The following IL1RAPL1 variants were observed in gnomAD, a reference collection of about 807,000 sequenced individuals.
IL1RAPL1 encodes interleukin-1 receptor accessory protein-like 1.
Under a neutral mutation model 48.4 loss-of-function variants are expected in IL1RAPL1, and 3 were observed. The ratio of observed to expected loss-of-function variants is 0.06; its 90% CI spans 0.03 to 0.16. The LOEUF (loss-of-function observed/expected upper bound fraction) is 0.16. Ranked by LOEUF, IL1RAPL1 falls within the 10% of genes least tolerant of loss-of-function variation. The pLI is 1.00. For synonymous variants in IL1RAPL1, 185 were observed against 187.7 expected, an observed-to-expected ratio of 0.99 and a Z score of 0.12; for missense variants, 349 against 530.6, an observed-to-expected ratio of 0.66 and a Z score of 3.36.
At chrX:29,739,131 G>A (rs1240882632) in intron 6 of IL1RAPL1, among the ~76,000 whole-genome samples, 3 of 112,136 alleles carry the variant, frequency 2.7e-5, no homozygotes, top group Non-Finnish European at 5.6e-5. Context: ...GTTAATTGAT[G>A]TGCTGAAAGG....
intron 1 of IL1RAPL1, among the ~76,000 whole-genome samples, chrX:28,708,574 T>C (rs1935401927): frequency 8.9e-6 from 1 of 111,746 alleles, no homozygotes; most frequent in African/African-American, 3.3e-5. Flanking sequence ...AACAAATGAA[T>C]GGATAAAGAA....
chrX:29,678,930 A>G (rs1926369456), intron 6 of IL1RAPL1, among the ~76,000 whole-genome samples: 1 of 110,774 alleles, frequency 9.0e-6, no homozygotes, highest in African/African-American at 3.3e-5. Flanking sequence ...AGAGTGAATA[A>G]TTTTCTCTCC....
intron 2 of IL1RAPL1, among the ~76,000 whole-genome samples, chrX:29,253,460 G>C (rs936340013): frequency 9.0e-6 from 1 of 111,392 alleles, no homozygotes; most frequent in Non-Finnish European, 1.9e-5. Flanking sequence ...ATGGAAAACT[G>C]TTAAGAGACC....
intron 1 of IL1RAPL1, among the ~76,000 whole-genome samples, chrX:28,711,349 C>T (rs1935437736): frequency 9.0e-6 from 1 of 111,708 alleles, no homozygotes; most frequent in African/African-American, 3.3e-5. Context: ...AATTGTGGTT[C>T]TGCAGGTGGC....
intron 2 of IL1RAPL1, among the ~76,000 whole-genome samples, chrX:29,148,095 A>G (rs1387869843): frequency 8.9e-6 from 1 of 112,092 alleles, no homozygotes; most frequent in Non-Finnish European, 1.9e-5. Context: ...TGCATGCATT[A>G]TATATGCATA....
chrX:29,066,877 C>T (rs1014677394), intron 2 of IL1RAPL1, among the ~76,000 whole-genome samples: 6 of 111,415 alleles, frequency 5.4e-5, no homozygotes, highest in African/African-American at 9.8e-5. Flanking sequence ...GGGAGAGAGT[C>T]GTCTTTGTCT....
rs754688938 is a variant in IL1RAPL1 at position 29,324,803 on chromosome X, A to C, written c.362+41586A>C. 6.3e-5 allele frequency among the ~76,000 whole-genome samples: 7 copies of C among 111,304 alleles called. No individual in the cohort carries two copies. The East Asian group carries it at 2.0e-3, about 31-fold the overall frequency. On this transcript the variant is annotated intron_variant, in intron 3 of 10. Transcript: ENST00000378993. ...TTCTGAAATTGCCTCTGAGGACTTC[A>C]CTTTGGGGTACTGCTTCCTGTGCCT...
chrX:29,634,173 C>T (rs1360442239), intron 5 of IL1RAPL1, among the ~76,000 whole-genome samples: 1 of 111,846 alleles, frequency 8.9e-6, no homozygotes, highest in Non-Finnish European at 1.9e-5. Context: ...TGCGAAGCAA[C>T]TCAGGCAGTC....
At chrX:29,587,397 G>A (rs1203561959) in intron 5 of IL1RAPL1, among the ~76,000 whole-genome samples, 2 of 109,872 alleles carry the variant, frequency 1.8e-5, no homozygotes, top group African/African-American at 6.6e-5. Flanking sequence ...GGGGGGCATT[G>A]GAGTATGTTG....
At chrX:29,166,924 A>G (rs768855692) in intron 2 of IL1RAPL1, among the ~76,000 whole-genome samples, 7 of 112,116 alleles carry the variant, frequency 6.2e-5, no homozygotes, top group Admixed American at 2.9e-4. Flanking sequence ...TCCAGATTCA[A>G]TGTCACTTCC....
intron 5 of IL1RAPL1, among the ~76,000 whole-genome samples, chrX:29,654,213 G>A (rs767198444): frequency 9.0e-5 from 10 of 110,612 alleles, no homozygotes; most frequent in African/African-American, 2.3e-4. Context: ...AGTGTAAAGA[G>A]GTTATCTTAG....
intron 5 of IL1RAPL1, among the ~76,000 whole-genome samples, chrX:29,410,490 A>G (rs976463194): frequency 2.7e-5 from 3 of 110,588 alleles, no homozygotes; most frequent in Non-Finnish European, 5.7e-5. Context: ...AGTGCTTGCC[A>G]AGTACCTAAT....
At chrX:29,288,582 G>T (rs1003702745) in intron 3 of IL1RAPL1, among the ~76,000 whole-genome samples, 2 of 111,742 alleles carry the variant, frequency 1.8e-5, no homozygotes, top group African/African-American at 6.5e-5. Context: ...TGGGTTGATT[G>T]CATGTTTTTG....
rs749643798 is a variant in IL1RAPL1, at chrX:28,990,251, CTT to C, written c.82+200828_82+200829del. ...AGCATTATATTCAAACTTTATCAGT[CTT>C]TGTTTCAGTCTGTCCAACTTCTGAG... On this transcript the variant is annotated intron_variant, in intron 2 of 10. Transcript: ENST00000378993. Among the ~76,000 whole-genome samples the C allele has an allele frequency of 5.4e-5, 6 of 111,951 alleles. No individual in the cohort carries two copies. In the East Asian group the frequency reaches 1.7e-3, roughly 31 times the overall value.
At chrX:28,754,580 A>G (rs1412597099) in intron 1 of IL1RAPL1, among the ~76,000 whole-genome samples, 2 of 112,320 alleles carry the variant, frequency 1.8e-5, no homozygotes, top group Non-Finnish European at 3.8e-5. Flanking sequence ...ACATAAATCT[A>G]TTAATTCTGG....
intron 3 of IL1RAPL1, among the ~76,000 whole-genome samples, chrX:29,326,535 A>C (rs1932843700): frequency 8.9e-6 from 1 of 112,409 alleles, no homozygotes; most frequent in Admixed American, 9.5e-5. Context: ...ATAATACCTG[A>C]AAAAGTAATA....
intron 2 of IL1RAPL1, among the ~76,000 whole-genome samples, chrX:28,893,983 T>C (rs1922840016): frequency 2.7e-5 from 3 of 112,003 alleles, no homozygotes; most frequent in African/African-American, 9.7e-5. Flanking sequence ...TCTAGCCACC[T>C]TATCAGCATA....
chrX:29,334,735 G>T (rs1324210968), intron 3 of IL1RAPL1, among the ~76,000 whole-genome samples: 15 of 112,294 alleles, frequency 1.3e-4, no homozygotes, highest in South Asian at 3.8e-4. Context: ...GGGCAGAGAC[G>T]CTCCTCACTT....
intron 1 of IL1RAPL1, among the ~76,000 whole-genome samples, chrX:28,598,452 T>A (rs1294805044): frequency 9.0e-6 from 1 of 111,137 alleles, no homozygotes; most frequent in Non-Finnish European, 1.9e-5. Context: ...AGCCAAACGT[T>A]GAAGACAAAA....
Sources: allele counts gnomAD v4.1 joint callset (sites outside exome capture counted in the v4.1 genomes callset), GRCh38; gene constraint gnomAD v4.1.1; transcripts MANE v1.5; gene names NCBI Gene and HGNC (gene_info 2026-07-23, HGNC 2026-07-21).